FOXD4L6: variants seen among roughly 807,000 people sequenced by gnomAD.
FOXD4L6 encodes the protein forkhead box protein D4-like 6.
Under a neutral mutation model 12.9 loss-of-function variants are expected in FOXD4L6, and 1 was observed. That is an observed-to-expected ratio of 0.08 (90% CI 0.03 to 0.37). FOXD4L6 has a LOEUF of 0.37. FOXD4L6 is among the 10% of genes least tolerant of loss of function. The pLI is 0.99. For missense variants in FOXD4L6, 23 were observed against 369.9 expected (o/e 0.06, Z 7.69); for synonymous variants, 10 against 164.7 (o/e 0.06, Z 7.19).
Position 41,127,008 on chromosome 9 carries a change from C to A in FOXD4L6, c.*122G>T. On this transcript the variant is annotated 3_prime_UTR_variant, in exon 1 of 1. Transcript: ENST00000622588. ...CCACTCCCACCTGGCTCTAGGAGGG[C>A]CCTGCGGAGTTGGCCAGGGAACTGG... is the stretch of plus-strand genomic sequence containing the variant. 1 of 1,499,554 alleles carries A rather than the reference C, an allele frequency of 6.7e-7. No individual in the cohort carries two copies. The highest frequency in any genetic ancestry group is 1.3e-5 in the South Asian group (1 of 74,540). The allele number at this position is 1,499,554 out of a possible 1,614,324, so 92.9% of individuals were successfully genotyped here.
Position 41,126,948 on chromosome 9 carries a change from C to T in FOXD4L6, c.*182G>A. ...TCAGATGCACACGCCCTGAATGGGCCGCGCAAGGTGAAGTGAGCAGCTGCG... is the reference window on the plus strand; with the variant it reads ...TCAGATGCACACGCCCTGAATGGGCTGCGCAAGGTGAAGTGAGCAGCTGCG... On this transcript the variant is annotated 3_prime_UTR_variant, in exon 1 of 1. Coordinates refer to ENST00000622588, the MANE Select transcript of FOXD4L6 (RefSeq NM_001085476.4). 12 of 1,522,798 alleles carry T rather than the reference C, an allele frequency of 7.9e-6. 2 individuals carry two copies. The highest frequency in any genetic ancestry group is 1.1e-5 in the Non-Finnish European group (12 of 1,138,642). 94.3% of individuals were successfully genotyped at this position (1,522,798 alleles called of 1,614,324 possible).
At position 41,126,975 on chromosome 9, in the gene FOXD4L6, G is replaced by T; in HGVS notation, c.*155C>A. 6.6e-7 allele frequency: 1 copy of T among 1,513,408 alleles called. No homozygotes were observed. Among genetic ancestry groups the T allele is most frequent in the Non-Finnish European group, 8.8e-7 (1 of 1,133,266 alleles). 93.7% of individuals were successfully genotyped at this position (1,513,408 alleles called of 1,614,324 possible). On this transcript the variant is annotated 3_prime_UTR_variant, in exon 1 of 1. Coordinates refer to ENST00000622588, the MANE Select transcript of FOXD4L6 (RefSeq NM_001085476.4). ...CGCAAGGTGAAGTGAGCAGCTGCGG[G>T]TCGCTCCCCACTCCCACCTGGCTCT... is the stretch of plus-strand genomic sequence containing the variant.
rs1413181207 is a variant in FOXD4L6 at position 41,126,931 on chromosome 9, A to T, written c.*199T>A. The stretch of plus-strand genomic sequence containing the variant: ...TTGCTCTCCAGCGGGATTCAGATGC[A>T]CACGCCCTGAATGGGCCGCGCAAGG... On this transcript the variant is annotated 3_prime_UTR_variant, in exon 1 of 1. Coordinates refer to ENST00000622588, the MANE Select transcript of FOXD4L6 (RefSeq NM_001085476.4). 1.1e-5 allele frequency: 16 copies of T among 1,503,558 alleles called. 1 individual carries two copies. The highest frequency in any genetic ancestry group is 1.4e-5 in the Non-Finnish European group (16 of 1,124,776). 93.1% of individuals were successfully genotyped at this position (1,503,558 alleles called of 1,614,324 possible).
At position 41,126,919 on chromosome 9, in the gene FOXD4L6, G is replaced by T; in HGVS notation, c.*211C>A. The T allele has an allele frequency of 6.8e-7, 1 of 1,468,252 alleles. No homozygotes were observed. Among genetic ancestry groups the T allele is most frequent in the Non-Finnish European group, 9.1e-7 (1 of 1,094,176 alleles). The allele number at this position is 1,468,252 out of a possible 1,614,324, so 91.0% of individuals were successfully genotyped here. On this transcript the variant is annotated 3_prime_UTR_variant, in exon 1 of 1. Coordinates refer to ENST00000622588, the MANE Select transcript of FOXD4L6 (RefSeq NM_001085476.4). ...AGAAGTTCGTGTTTGCTCTCCAGCGGGATTCAGATGCACACGCCCTGAATG... is the reference window on the plus strand; with the variant it reads ...AGAAGTTCGTGTTTGCTCTCCAGCGTGATTCAGATGCACACGCCCTGAATG...
chr9:41,127,234 A>G lies in FOXD4L6; in HGVS notation c.1150T>C (p.Cys384Arg). 6.2e-7 allele frequency: 1 copy of G among 1,609,602 alleles called. No homozygotes were observed. Among genetic ancestry groups the G allele is most frequent in the South Asian group, 1.1e-5 (1 of 90,856 alleles). The change falls in exon 1 of 1, where the codon TGC becomes CGC. Residue 384 changes from cysteine to arginine, a missense_variant. By Grantham distance (180) the Cys-to-Arg change is radical (BLOSUM62 -3). Coordinates refer to ENST00000622588, the MANE Select transcript of FOXD4L6 (RefSeq NM_001085476.4). ...CTCCTGATGCTGCTGCTATTGCTGC[A>G]AAATTGTCCGAGCAGCGGCGGCGGC... The part of the protein sequence containing the change: ...CPPPPLLGQF[C>R]SNSSSIRRRT...
chr9:41,127,110 C>A lies in FOXD4L6; in HGVS notation c.*20G>T. The stretch of plus-strand genomic sequence containing the variant: ...CAGCCAGCGATGTCAGCCTAGAGCC[C>A]TCTGCCACTGCCTGATACCTCAGCA... On this transcript the variant is annotated 3_prime_UTR_variant, in exon 1 of 1. Coordinates refer to ENST00000622588, the MANE Select transcript of FOXD4L6 (RefSeq NM_001085476.4). The A allele has an allele frequency of 6.7e-7, 1 of 1,493,432 alleles. No individual in the cohort carries two copies. The highest frequency in any genetic ancestry group is 9.0e-7 in the Non-Finnish European group (1 of 1,105,556). The allele number at this position is 1,493,432 out of a possible 1,614,324, so 92.5% of individuals were successfully genotyped here.
Position 41,128,545 on chromosome 9 carries a change from T to A in FOXD4L6, c.-162A>T, listed in dbSNP as rs1439710432. ...TTGTTTCTACTCCTTTGCAACAACG[T>A]CCGGCAAAGATGCCTTTGCCTTTTA... On this transcript the variant is annotated 5_prime_UTR_variant, in exon 1 of 1. Transcript: ENST00000622588. The A allele has an allele frequency of 2.9e-4, 2 of 6,922 alleles. 1 individual carries two copies. The highest frequency in any genetic ancestry group is 3.5e-4 in the African/African-American group (2 of 5,732). 0.4% of individuals were successfully genotyped at this position (6,922 alleles called of 1,614,324 possible). A position where few individuals can be genotyped will look rare whatever the true frequency, so the allele number is the denominator to read the frequency against.
At position 41,126,838 on chromosome 9, in the gene FOXD4L6, G is replaced by A. The variant is rs1304410684; in HGVS notation, c.*292C>T. The A allele has an allele frequency of 2.4e-6, 1 of 416,878 alleles. No homozygotes were observed. The highest frequency in any genetic ancestry group is 4.4e-5 in the East Asian group (1 of 22,810). The allele number at this position is 416,878 out of a possible 1,614,324, so 25.8% of individuals were successfully genotyped here. A position where few individuals can be genotyped will look rare whatever the true frequency, so the allele number is the denominator to read the frequency against. On this transcript the variant is annotated 3_prime_UTR_variant, in exon 1 of 1. Coordinates refer to ENST00000622588, the MANE Select transcript of FOXD4L6 (RefSeq NM_001085476.4). ...GACGCCCTGCGAAGGTTACGTTCAG[G>A]TGGTTTTTAGAGGAACGTAATCCAG...
Position 41,127,079 on chromosome 9 carries a change from A to T in FOXD4L6, c.*51T>A. On this transcript the variant is annotated 3_prime_UTR_variant, in exon 1 of 1. Coordinates refer to ENST00000622588, the MANE Select transcript of FOXD4L6 (RefSeq NM_001085476.4). ...ACTGGTGAGGTCCCCTCTCCGCCCA[A>T]AGGGGCAGCCAGCGATGTCAGCCTA... 1 of 1,407,614 alleles carries T rather than the reference A, an allele frequency of 7.1e-7. No individual in the cohort carries two copies. The highest frequency in any genetic ancestry group is 9.5e-7 in the Non-Finnish European group (1 of 1,048,534). The allele number at this position is 1,407,614 out of a possible 1,614,324, so 87.2% of individuals were successfully genotyped here. A position where few individuals can be genotyped will look rare whatever the true frequency, so the allele number is the denominator to read the frequency against.
chr9:41,127,284 G>C lies in FOXD4L6; in HGVS notation c.1100C>G (p.Pro367Arg). 1.2e-6 allele frequency: 2 copies of C among 1,606,096 alleles called. No homozygotes were observed. Among genetic ancestry groups the C allele is most frequent in the South Asian group, 1.1e-5 (1 of 90,746 alleles). Reference sequence around the variant, plus strand: ...CGGACACTTGCAGCAAAGGGGCAGCGGTCTGGGGATGCAACAGGCTTGATG... The same window carrying C: ...CGGACACTTGCAGCAAAGGGGCAGCCGTCTGGGGATGCAACAGGCTTGATG... ...SDHQACCIPRPLPLCCKCPPP... is the reference protein window; with the variant it reads ...SDHQACCIPRRLPLCCKCPPP... The change falls in exon 1 of 1, where the codon CCG (proline) becomes CGG (arginine). Residue 367 changes from proline to arginine, a missense_variant. Transcript: ENST00000622588.
Position 41,126,980 on chromosome 9 carries a change from T to C in FOXD4L6, c.*150A>G. 2.0e-6 allele frequency: 3 copies of C among 1,521,902 alleles called. No homozygotes were observed. The highest frequency in any genetic ancestry group is 2.6e-6 in the Non-Finnish European group (3 of 1,137,686). 94.3% of individuals were successfully genotyped at this position (1,521,902 alleles called of 1,614,324 possible). ...GGTGAAGTGAGCAGCTGCGGGTCGC[T>C]CCCCACTCCCACCTGGCTCTAGGAG... On this transcript the variant is annotated 3_prime_UTR_variant, in exon 1 of 1. Coordinates refer to ENST00000622588, the MANE Select transcript of FOXD4L6 (RefSeq NM_001085476.4).
rs1255120681 is a variant in FOXD4L6 at position 41,127,082 on chromosome 9, G to A, written c.*48C>T. 30 of 1,420,448 alleles carry A rather than the reference G, an allele frequency of 2.1e-5. No individual in the cohort carries two copies. The highest frequency in any genetic ancestry group is 2.6e-5 in the Non-Finnish European group (27 of 1,058,720). The allele number at this position is 1,420,448 out of a possible 1,614,324, so 88.0% of individuals were successfully genotyped here. On this transcript the variant is annotated 3_prime_UTR_variant, in exon 1 of 1. Coordinates refer to ENST00000622588, the MANE Select transcript of FOXD4L6 (RefSeq NM_001085476.4). The stretch of plus-strand genomic sequence containing the variant: ...GGTGAGGTCCCCTCTCCGCCCAAAG[G>A]GGCAGCCAGCGATGTCAGCCTAGAG...
rs1337957910 is a variant in FOXD4L6, at chr9:41,127,001, A to T, written c.*129T>A. 14 of 1,511,888 alleles carry T rather than the reference A, an allele frequency of 9.3e-6. 2 individuals carry two copies. The highest frequency in any genetic ancestry group is 1.3e-5 in the South Asian group (1 of 75,130). The allele number at this position is 1,511,888 out of a possible 1,614,324, so 93.7% of individuals were successfully genotyped here. A position where few individuals can be genotyped will look rare whatever the true frequency, so the allele number is the denominator to read the frequency against. On this transcript the variant is annotated 3_prime_UTR_variant, in exon 1 of 1. Coordinates refer to ENST00000622588, the MANE Select transcript of FOXD4L6 (RefSeq NM_001085476.4). Reference sequence around the variant, plus strand: ...TCGCTCCCCACTCCCACCTGGCTCTAGGAGGGCCCTGCGGAGTTGGCCAGG... The same window carrying T: ...TCGCTCCCCACTCCCACCTGGCTCTTGGAGGGCCCTGCGGAGTTGGCCAGG...
At position 41,126,986 on chromosome 9, in the gene FOXD4L6, C is replaced by T. The variant is rs1205807238; in HGVS notation, c.*144G>A. 24 of 1,520,758 alleles carry T rather than the reference C, an allele frequency of 1.6e-5. 2 individuals are homozygous for T. The highest frequency in any genetic ancestry group is 1.5e-4 in the African/African-American group (11 of 71,256). 94.2% of individuals were successfully genotyped at this position (1,520,758 alleles called of 1,614,324 possible). On this transcript the variant is annotated 3_prime_UTR_variant, in exon 1 of 1. Coordinates refer to ENST00000622588, the MANE Select transcript of FOXD4L6 (RefSeq NM_001085476.4). ...GTGAGCAGCTGCGGGTCGCTCCCCA[C>T]TCCCACCTGGCTCTAGGAGGGCCCT...
Position 41,127,019 on chromosome 9 carries a change from T to C in FOXD4L6, c.*111A>G. ...TGGCTCTAGGAGGGCCCTGCGGAGT[T>C]GGCCAGGGAACTGGGCGTGGGCGAT... On this transcript the variant is annotated 3_prime_UTR_variant, in exon 1 of 1. Coordinates refer to ENST00000622588, the MANE Select transcript of FOXD4L6 (RefSeq NM_001085476.4). 1 of 1,406,648 alleles carries C rather than the reference T, an allele frequency of 7.1e-7. No homozygotes were observed. Among genetic ancestry groups the C allele is most frequent in the Non-Finnish European group, 9.6e-7 (1 of 1,040,192 alleles). The allele number at this position is 1,406,648 out of a possible 1,614,324, so 87.1% of individuals were successfully genotyped here. A position where few individuals can be genotyped will look rare whatever the true frequency, so the allele number is the denominator to read the frequency against.
At chr9:41,128,131 C>CT in the FOXD4L6 span, 1 of 319,078 alleles carries the variant, frequency 3.1e-6, no homozygotes. Context: ...GTGCCAAACT[C>CT]TGAGGGGTCG....
In FOXD4L6 at chr9:41,126,976, T is replaced by A. The variant is rs1824933606; in HGVS notation, c.*154A>T. 7.9e-6 allele frequency: 12 copies of A among 1,523,656 alleles called. No individual in the cohort carries two copies. The highest frequency in any genetic ancestry group is 1.1e-5 in the Non-Finnish European group (12 of 1,138,496). 94.4% of individuals were successfully genotyped at this position (1,523,656 alleles called of 1,614,324 possible). ...GCAAGGTGAAGTGAGCAGCTGCGGGTCGCTCCCCACTCCCACCTGGCTCTA... is the reference window on the plus strand; with the variant it reads ...GCAAGGTGAAGTGAGCAGCTGCGGGACGCTCCCCACTCCCACCTGGCTCTA... On this transcript the variant is annotated 3_prime_UTR_variant, in exon 1 of 1. Transcript: ENST00000622588.
the FOXD4L6 span, chr9:41,127,330 T>TA: frequency 6.2e-7 from 1 of 1,611,582 alleles, no homozygotes; most frequent in South Asian, 1.1e-5. Context: ...CAGGTGGCAG[T>TA]AGCTCCACGC....
At chr9:41,127,292 G>GA in the FOXD4L6 span, 1 of 1,607,916 alleles carries the variant, frequency 6.2e-7, no homozygotes, top group South Asian at 1.1e-5. Context: ...GCGGTCTGGG[G>GA]ATGCAACAGG....
Sources: gnomAD v4.1 joint callset for allele counts on GRCh38, gnomAD v4.1.1 for gene constraint, MANE v1.5 for transcripts, NCBI Gene and HGNC (gene_info 2026-07-23, HGNC 2026-07-21) for gene names.